The following FOXP4 variants were observed in gnomAD, a reference collection of about 807,000 sequenced individuals.
FOXP4 encodes forkhead box P4, also known as forkhead box protein P4.
In FOXP4, 25 loss-of-function variants were observed where a neutral mutation model predicts 82.6. That is an observed-to-expected ratio of 0.30 (90% confidence interval 0.22 to 0.42). FOXP4 has a LOEUF of 0.42. FOXP4 is among the 10% of genes least tolerant of loss of function. The pLI is 1.00. For missense variants in FOXP4, 785 were observed against 900.9 expected (o/e 0.87, Z 1.65); for synonymous variants, 415 against 388.2 (o/e 1.07, Z -0.81).
chr6:41,577,907 T>C, intron 2 of FOXP4, 79 bp from the exon 3 acceptor site: 1 of 1,039,972 alleles, frequency 9.6e-7, no homozygotes, highest in East Asian at 2.5e-5. Context: ...CTCCTTCTCC[T>C]TACTGCCCCA....
chr6:41,580,717 A>T (rs967258433), intron 3 of FOXP4, among the ~76,000 whole-genome samples: 8 of 152,152 alleles, frequency 5.3e-5, no homozygotes, highest in Admixed American at 1.3e-4. Context: ...GTGAGGGGAT[A>T]GGGGAGAGCA....
At chr6:41,580,981 C>G (rs1765766149) in intron 3 of FOXP4, among the ~76,000 whole-genome samples, 1 of 152,222 alleles carries the variant, frequency 6.6e-6, no homozygotes, top group Non-Finnish European at 1.5e-5. Flanking sequence ...CCTTCCAGGC[C>G]TGGACCCCAC....
rs780237631 is a variant in FOXP4 at position 41,598,879 on chromosome 6, G to C, written c.1986G>C (p.Ser662=). The C allele has an allele frequency of 2.5e-6, 4 of 1,603,686 alleles. No homozygotes were observed. Among genetic ancestry groups the C allele is most frequent in the Non-Finnish European group, 3.4e-6 (4 of 1,176,470 alleles). The change falls in exon 17 of 17, where the codon TCG becomes TCC. Residue 662 remains serine, a synonymous_variant. Transcript: ENST00000307972. ...TGGGCGCCCCTAACCCCAGCGCCTC[G>C]GGGCCTCCGGAAGACAGGGACCTGG... is the stretch of plus-strand genomic sequence containing the variant. ...PPLGAPNPSA[S]GPPEDRDLEE...
chr6:41,563,804 C>T (rs1200141828), intron 1 of FOXP4, among the ~76,000 whole-genome samples: 1 of 152,190 alleles, frequency 6.6e-6, no homozygotes, highest in Non-Finnish European at 1.5e-5. Context: ...TCCGTGGATT[C>T]AATCCACCAC....
At chr6:41,588,013 C>T in intron 8 of FOXP4, 116 bp downstream of exon 8, 1 of 648,438 alleles carries the variant, frequency 1.5e-6, no homozygotes, top group Non-Finnish European at 2.8e-6. Flanking sequence ...TACTACTGTC[C>T]TCACTCCAGA....
At chr6:41,596,770 T>C (rs1766860445) in intron 14 of FOXP4, among the ~76,000 whole-genome samples, 1 of 151,784 alleles carries the variant, frequency 6.6e-6, no homozygotes, top group South Asian at 2.1e-4. Context: ...GGCAAGACAG[T>C]GTGGGCAGAC....
Position 41,599,023 on chromosome 6 carries a change from G to C in FOXP4, c.*87G>C. On this transcript the variant is annotated 3_prime_UTR_variant, in exon 17 of 17. Coordinates refer to ENST00000307972, the MANE Select transcript of FOXP4 (RefSeq NM_001012426.2). The stretch of plus-strand genomic sequence containing the variant: ...CTCCCCCAACTCCACAGCCCCTCCC[G>C]AGCCTCAAGGCAAGTCCAGGACTCA... The C allele has an allele frequency of 6.9e-7, 1 of 1,448,118 alleles. No individual in the cohort carries two copies. The highest frequency in any genetic ancestry group is 1.5e-5 in the South Asian group (1 of 67,430). The allele number at this position is 1,448,118 out of a possible 1,614,324, so 89.7% of individuals were successfully genotyped here.
chr6:41,560,486 C>G lies in FOXP4; in HGVS notation c.-16-5259C>G, dbSNP rs1290121089. On this transcript the variant is annotated intron_variant, in intron 1 of 16. Coordinates refer to ENST00000307972, the MANE Select transcript of FOXP4 (RefSeq NM_001012426.2). ...GGGCTACCTGTGGTCGTTCCCCACC[C>G]GTGTCTCCCTTAAGAACTGGGGCCT... Among the ~76,000 whole-genome samples the G allele has an allele frequency of 2.0e-5, 3 of 152,248 alleles. No individual in the cohort carries two copies. The South Asian group carries it at 6.2e-4, about 31-fold the overall frequency.
intron 1 of FOXP4, among the ~76,000 whole-genome samples, chr6:41,551,474 T>C (rs751475549): frequency 3.3e-5 from 5 of 152,176 alleles, no homozygotes; most frequent in Non-Finnish European, 7.4e-5. Flanking sequence ...CCAGCTGCTC[T>C]GCCCACCTCC....
chr6:41,591,403 A>G lies in FOXP4; in HGVS notation c.1536+81A>G, dbSNP rs985223911. 8.2e-7 allele frequency: 1 copy of G among 1,222,702 alleles called. No individual in the cohort carries two copies. The highest frequency in any genetic ancestry group is 1.2e-6 in the Non-Finnish European group (1 of 856,418). 75.7% of individuals were successfully genotyped at this position (1,222,702 alleles called of 1,614,324 possible). ...CCCATGGAGACCAAGGCTGCCTAAC[A>G]ATTAGTTCCCTAAACCATTAGTCCT... On this transcript the variant is annotated intron_variant, in intron 13 of 16. Coordinates refer to ENST00000307972, the MANE Select transcript of FOXP4 (RefSeq NM_001012426.2). The surrounding 1 kb of genome is among the most constrained non-coding windows in gnomAD (Gnocchi z 4.2).
chr6:41,559,146 T>C (rs1166709712), intron 1 of FOXP4, among the ~76,000 whole-genome samples: 2 of 152,238 alleles, frequency 1.3e-5, no homozygotes, highest in Non-Finnish European at 2.9e-5. Flanking sequence ...AAGGAGGCTT[T>C]CCCTGCCCCT....
rs759774383 is a variant in FOXP4, at chr6:41,587,297, A to G, written c.659-2A>G. The G allele has an allele frequency of 1.1e-5, 17 of 1,612,476 alleles. No individual in the cohort carries two copies. Among genetic ancestry groups the G allele is most frequent in the Non-Finnish European group, 1.4e-5 (16 of 1,179,872 alleles). On this transcript the variant is annotated splice_acceptor_variant, in intron 6 of 16. Transcript: ENST00000307972. LOFTEE classifies it high-confidence loss of function. ...TGCCAGCCTCCCCTGTCTCTCCCAC[A>G]GCAGCTGTTTGCCCAACAGACCTGC...
rs1414313596 is a variant in FOXP4 at position 41,590,066 on chromosome 6, C to T, written c.1253C>T (p.Pro418Leu). The T allele has an allele frequency of 6.2e-7, 1 of 1,613,952 alleles. No homozygotes were observed. The highest frequency in any genetic ancestry group is 8.5e-7 in the Non-Finnish European group (1 of 1,179,988). The change falls in exon 11 of 17, where the codon CCT becomes CTT. Residue 418 changes from proline (P) to leucine (L), a missense_variant. Physicochemically the swap from Pro to Leu is moderately conservative, Grantham distance 98. Around this residue, in one of 3 missense-constraint regions of FOXP4, gnomAD observed 570 missense variants for 634.0 expected, o/e 0.90. Coordinates refer to ENST00000307972, the MANE Select transcript of FOXP4 (RefSeq NM_001012426.2). Reference sequence around the variant, plus strand: ...CACCCCCCGACCTCGGCCGCAGCCCCTGTCACCCCTCTACGGCCCCCTGGC... The same window carrying T: ...CACCCCCCGACCTCGGCCGCAGCCCTTGTCACCCCTCTACGGCCCCCTGGC... ...LVHPPTSAAA[P>L]VTPLRPPGLG...
Position 41,587,006 on chromosome 6 carries a change from C to T in FOXP4, c.511-3C>T. ...CTGCCCGCCCCCTCGGGCCCCTCACCAGGCACTGGGGAACAAGCAGCTGGC... is the reference window on the plus strand; with the variant it reads ...CTGCCCGCCCCCTCGGGCCCCTCACTAGGCACTGGGGAACAAGCAGCTGGC... On this transcript the variant is annotated splice_polypyrimidine_tract_variant and splice_region_variant and intron_variant, in intron 5 of 16. Transcript: ENST00000307972. The T allele has an allele frequency of 6.3e-7, 1 of 1,581,278 alleles. No individual in the cohort carries two copies. The highest frequency in any genetic ancestry group is 8.6e-7 in the Non-Finnish European group (1 of 1,158,454).
At chr6:41,595,070 G>A in intron 14 of FOXP4, 79 bp downstream of exon 14, 7 of 1,586,704 alleles carry the variant, frequency 4.4e-6, no homozygotes, top group Non-Finnish European at 5.2e-6. Context: ...TACCTCTCCA[G>A]GGTACACATG....
rs181701653 is a variant in FOXP4, at chr6:41,574,788, C to T, written c.205-3198C>T. Among the ~76,000 whole-genome samples, 4 of 152,290 alleles carry T rather than the reference C, an allele frequency of 2.6e-5. No homozygotes were observed. In the East Asian group the frequency reaches 7.7e-4, roughly 29 times the overall value. ...GCAGCAGCGTGGTCGATGTGACCCT[C>T]CTCGTTCACCGTGTTAACTCGCCCT... On this transcript the variant is annotated intron_variant, in intron 2 of 16. Transcript: ENST00000307972.
intron 1 of FOXP4, among the ~76,000 whole-genome samples, chr6:41,557,649 C>A (rs1006405458): frequency 6.6e-6 from 1 of 152,122 alleles, no homozygotes; most frequent in African/African-American, 2.4e-5. Flanking sequence ...AAATTGAAAC[C>A]ATGTATAGAT....
rs1309794452 is a variant in FOXP4, at chr6:41,591,989, G to C, written c.1536+667G>C. Among the ~76,000 whole-genome samples the C allele has an allele frequency of 1.3e-5, 2 of 152,074 alleles. No individual in the cohort carries two copies. Among genetic ancestry groups the C allele is most frequent in the Admixed American group, 6.5e-5 (1 of 15,274 alleles). On this transcript the variant is annotated intron_variant, in intron 13 of 16. Coordinates refer to ENST00000307972, the MANE Select transcript of FOXP4 (RefSeq NM_001012426.2). This position sits in a 1 kb window ranked among gnomAD's most constrained non-coding sequence, Gnocchi z 4.2. ...CCATTTATTTTTCTATAGCCAAAAG[G>C]GGGGTGTGTGTGTGTGTCTGTCTGT...
At chr6:41,578,182 C>A in intron 3 of FOXP4, 101 bp downstream of exon 3, 1 of 985,436 alleles carries the variant, frequency 1.0e-6, no homozygotes. Context: ...TTGCCAGTTC[C>A]AACACCAAAA....
Sources: gnomAD v4.1 joint callset for allele counts (sites outside exome capture counted in the v4.1 genomes callset) on GRCh38, gnomAD v4.1.1 for gene constraint, gnomAD v4.1.1 regional missense constraint, Gnocchi (gnomAD v3.1) non-coding constraint, MANE v1.5 for transcripts, NCBI Gene and HGNC (gene_info 2026-07-23, HGNC 2026-07-21) for gene names.